Variants in ONECUT1 observed in about 807,000 individuals in gnomAD.
ONECUT1 encodes hepatocyte nuclear factor 6.
In ONECUT1, 12 loss-of-function variants were observed where a neutral mutation model predicts 25.6. The observed-to-expected ratio is 0.47, with a 90% CI of 0.30 to 0.76. ONECUT1 has a LOEUF of 0.76. ONECUT1 is among the 30% of genes least tolerant of loss of function. ONECUT1 has a pLI of 0.07. For missense variants in ONECUT1, 620 were observed against 651.2 expected, an observed-to-expected ratio of 0.95 and a Z score of 0.52; for synonymous variants, 285 against 270.2, an observed-to-expected ratio of 1.05 and a Z score of -0.54.
intron 1 of ONECUT1, among the ~76,000 whole-genome samples, chr15:52,770,103 C>T (rs2083758088): frequency 6.6e-6 from 1 of 152,248 alleles, no homozygotes; most frequent in Admixed American, 6.5e-5. Context: ...ATTATAGAGC[C>T]CTGGATCCAT....
In ONECUT1 at chr15:52,784,084, C is replaced by A. The variant is rs1001897328; in HGVS notation, c.1105+4696G>T. 3.9e-5 allele frequency among the ~76,000 whole-genome samples: 6 copies of A among 152,230 alleles called. No individual in the cohort carries two copies. The highest frequency in any genetic ancestry group is 7.2e-5 in the African/African-American group (3 of 41,464). Reference sequence around the variant, plus strand: ...TCGCGGGTCGCCCAGCCCCGACGGCCCGCAGGGGGCGCGCGCCGCAGCCGC... The same window carrying A: ...TCGCGGGTCGCCCAGCCCCGACGGCACGCAGGGGGCGCGCGCCGCAGCCGC... On this transcript the variant is annotated intron_variant, in intron 1 of 1. Transcript: ENST00000305901. The surrounding 1 kb of genome is among the most constrained non-coding windows in gnomAD (Gnocchi z 5.0).
chr15:52,783,123 G>C (rs1044854130), intron 1 of ONECUT1, among the ~76,000 whole-genome samples: 1 of 152,158 alleles, frequency 6.6e-6, no homozygotes, highest in Non-Finnish European at 1.5e-5. Context: ...TAAAGACCTC[G>C]TAGATTAGAG....
At chr15:52,779,568 C>A (rs2083826618) in intron 1 of ONECUT1, among the ~76,000 whole-genome samples, 1 of 152,058 alleles carries the variant, frequency 6.6e-6, no homozygotes, top group Non-Finnish European at 1.5e-5. Context: ...ATAAACAGTC[C>A]CCAATTATCT....
Position 52,789,337 on chromosome 15 carries a change from G to A in ONECUT1, c.548C>T (p.Ser183Phe), listed in dbSNP as rs773286979. 2 of 1,592,386 alleles carry A rather than the reference G, an allele frequency of 1.3e-6. No individual in the cohort carries two copies. The highest frequency in any genetic ancestry group is 1.7e-6 in the Non-Finnish European group (2 of 1,167,128). The change falls in exon 1 of 2, where the codon TCC becomes TTC. Residue 183 changes from serine to phenylalanine, a missense_variant. Ser to Phe is a radical substitution (Grantham distance 155). Transcript: ENST00000305901. The surrounding 1 kb of genome is among the most constrained non-coding windows in gnomAD (Gnocchi z 4.1). The stretch of plus-strand genomic sequence containing the variant: ...GTGGATGCTGCCCAGACCGGAGCTG[G>A]AGAGGGGCGAGAGGCTCTGGCCCAT... ...AGMGQSLSPLSSSGLGSIHNS... is the reference protein window; with the variant it reads ...AGMGQSLSPLFSSGLGSIHNS...
In ONECUT1 at chr15:52,755,341, CTTGAAGGGTGGCCAT is replaced by C. The variant is rs2083669216; in HGVS notation, c.*2199_*2213del. On this transcript the variant is annotated 3_prime_UTR_variant, in exon 2 of 2. Transcript: ENST00000305901. The stretch of plus-strand genomic sequence containing the variant: ...GACAAGATTCTATTTTTTAGTAAAT[CTTGAAGGGTGGCCAT>C]TTAAATGGTCTCTTTCAATAGCTGA... 6.6e-6 allele frequency among the ~76,000 whole-genome samples: 1 copy of C among 152,106 alleles called. No homozygotes were observed. The highest frequency in any genetic ancestry group is 1.5e-5 in the Non-Finnish European group (1 of 68,002).
chr15:52,772,270 T>C (rs1457129039), intron 1 of ONECUT1, among the ~76,000 whole-genome samples: 1 of 152,080 alleles, frequency 6.6e-6, no homozygotes, highest in East Asian at 1.9e-4. Flanking sequence ...GGCACACACC[T>C]GTAGTCCCAG....
chr15:52,762,535 T>C lies in ONECUT1; in HGVS notation c.1106-4688A>G, dbSNP rs150472865. ...ACCTCAAGCACTGTAGACGTTACAATACCAGAACCTGGGGAAGTGAGATTC... is the reference window on the plus strand; with the variant it reads ...ACCTCAAGCACTGTAGACGTTACAACACCAGAACCTGGGGAAGTGAGATTC... On this transcript the variant is annotated intron_variant, in intron 1 of 1. Transcript: ENST00000305901. 2.7e-3 allele frequency among the ~76,000 whole-genome samples: 413 copies of C among 152,276 alleles called. 1 individual carries two copies. Among genetic ancestry groups the C allele is most frequent in the African/African-American group, 9.5e-3 (396 of 41,554 alleles).
rs905069848 is a variant in ONECUT1, at chr15:52,789,271, G to A, written c.614C>T (p.Ala205Val). ...GAGCATCTTGTCGGTGGGCATGGCG[G>A]CCCCCGGGTGGGCATAGTGGGGGAG... ...QGLPHYAHPG[A>V]AMPTDKMLTP... The change falls in exon 1 of 2, where the codon GCC (alanine) becomes GTC (valine). Residue 205 changes from alanine to valine, a missense_variant. This residue lies in a region of ONECUT1 where 440 missense variants were observed against 404.9 expected (regional missense o/e 1.09). Transcript: ENST00000305901. The surrounding 1 kb of genome is among the most constrained non-coding windows in gnomAD (Gnocchi z 4.1). 1.9e-6 allele frequency: 3 copies of A among 1,547,236 alleles called. No homozygotes were observed. The highest frequency in any genetic ancestry group is 1.7e-6 in the Non-Finnish European group (2 of 1,147,066).
chr15:52,765,531 A>T (rs2083729318), intron 1 of ONECUT1, among the ~76,000 whole-genome samples: 1 of 152,156 alleles, frequency 6.6e-6, no homozygotes, highest in Non-Finnish European at 1.5e-5. Flanking sequence ...GAGACAATAT[A>T]TGTGGATGAG....
intron 1 of ONECUT1, among the ~76,000 whole-genome samples, chr15:52,767,406 T>C (rs1037227678): frequency 1.2e-4 from 19 of 152,218 alleles, no homozygotes; most frequent in African/African-American, 4.3e-4. Context: ...TGAACTAGAA[T>C]GGTAGCTGAG....
chr15:52,770,684 T>C (rs534211838), intron 1 of ONECUT1, among the ~76,000 whole-genome samples: 23 of 152,374 alleles, frequency 1.5e-4, no homozygotes, highest in Middle Eastern at 3.4e-3. Flanking sequence ...TTTTGTTTTT[T>C]AATTAATTTT....
intron 1 of ONECUT1, among the ~76,000 whole-genome samples, chr15:52,769,805 T>A (rs2083755806): frequency 6.6e-6 from 1 of 152,180 alleles, no homozygotes; most frequent in South Asian, 2.1e-4. Flanking sequence ...ACTGTCTGCA[T>A]CCGTCCTTGC....
In ONECUT1 at chr15:52,756,146, A is replaced by G. The variant is rs2083672592; in HGVS notation, c.*1409T>C. On this transcript the variant is annotated 3_prime_UTR_variant, in exon 2 of 2. Coordinates refer to ENST00000305901, the MANE Select transcript of ONECUT1 (RefSeq NM_004498.4). ...CCAGAACACTGGCTTTTTTCTATAC[A>G]GTTCCACCAATTCCACCATTTCTCA... 6.6e-6 allele frequency among the ~76,000 whole-genome samples: 1 copy of G among 152,196 alleles called. No homozygotes were observed. Among genetic ancestry groups the G allele is most frequent in the Non-Finnish European group, 1.5e-5 (1 of 68,030 alleles).
intron 1 of ONECUT1, among the ~76,000 whole-genome samples, chr15:52,781,755 CA>C (rs373553198): frequency 3.3e-5 from 5 of 152,356 alleles, no homozygotes; most frequent in African/African-American, 9.6e-5. Context: ...GTACCAATTA[CA>C]TCAAAATATC....
intron 1 of ONECUT1, among the ~76,000 whole-genome samples, chr15:52,759,484 C>A (rs1187021944): frequency 6.6e-6 from 1 of 152,208 alleles, no homozygotes; most frequent in Non-Finnish European, 1.5e-5. Flanking sequence ...TTTTTTAAAA[C>A]AATGTGCTAC....
intron 1 of ONECUT1, among the ~76,000 whole-genome samples, chr15:52,759,072 C>T (rs2141444424): frequency 6.6e-6 from 1 of 152,318 alleles, no homozygotes; most frequent in Admixed American, 6.5e-5. Flanking sequence ...CAGCCACTGC[C>T]ACCTTTATAT....
chr15:52,778,281 C>A (rs184838395), intron 1 of ONECUT1, among the ~76,000 whole-genome samples: 1 of 152,236 alleles, frequency 6.6e-6, no homozygotes, highest in East Asian at 1.9e-4. Context: ...GTTTATTACT[C>A]ATTTTTTTAA....
In ONECUT1 at chr15:52,784,256, C is replaced by A. The variant is rs2141463370; in HGVS notation, c.1105+4524G>T. 6.6e-6 allele frequency among the ~76,000 whole-genome samples: 1 copy of A among 152,314 alleles called. No homozygotes were observed. The highest frequency in any genetic ancestry group is 3.4e-3 in the Middle Eastern group (1 of 294). On this transcript the variant is annotated intron_variant, in intron 1 of 1. Coordinates refer to ENST00000305901, the MANE Select transcript of ONECUT1 (RefSeq NM_004498.4). The surrounding 1 kb of genome is among the most constrained non-coding windows in gnomAD (Gnocchi z 5.0). Reference sequence around the variant, plus strand: ...ACAACCGTGCTATTGTTGGCACTGTCCGACCCAAGTGTCGGTGGTAAGCGG... The same window carrying A: ...ACAACCGTGCTATTGTTGGCACTGTACGACCCAAGTGTCGGTGGTAAGCGG...
At chr15:52,770,498 C>G (rs1464334760) in intron 1 of ONECUT1, among the ~76,000 whole-genome samples, 1 of 152,112 alleles carries the variant, frequency 6.6e-6, no homozygotes, top group African/African-American at 2.4e-5. Flanking sequence ...GCTGCTGGTC[C>G]GGGACTGCAC....
Sources: gnomAD v4.1 joint callset for allele counts (sites outside exome capture counted in the v4.1 genomes callset) on GRCh38, gnomAD v4.1.1 for gene constraint, gnomAD v4.1.1 regional missense constraint, Gnocchi (gnomAD v3.1) non-coding constraint, MANE v1.5 for transcripts, NCBI Gene and HGNC (gene_info 2026-07-23, HGNC 2026-07-21) for gene names.